The following VPS13C variants were observed in gnomAD, a reference collection of about 807,000 sequenced individuals.
VPS13C encodes vacuolar protein sorting 13 homolog C.
Under a neutral mutation model 456.8 loss-of-function variants are expected in VPS13C, and 358 were observed. The ratio of observed to expected loss-of-function variants is 0.78; its 90% CI spans 0.72 to 0.86. The LOEUF (loss-of-function observed/expected upper bound fraction) is 0.86. Ranked by LOEUF, VPS13C falls within the 40% of genes least tolerant of loss-of-function variation. The pLI is 0.00. For missense variants in VPS13C, 4,818 were observed against 4,385.4 expected, an observed-to-expected ratio of 1.10 and a Z score of -2.79; for synonymous variants, 1,578 against 1,486.7, an observed-to-expected ratio of 1.06 and a Z score of -1.41.
Position 61,881,732 on chromosome 15 carries a change from CTTATT to C in VPS13C, c.9706+10_9706+14del, listed in dbSNP as rs2098073576. 6.2e-7 allele frequency: 1 copy of C among 1,607,406 alleles called. No homozygotes were observed. The highest frequency in any genetic ancestry group is 8.5e-7 in the Non-Finnish European group (1 of 1,177,986). On this transcript the variant is annotated intron_variant, in intron 70 of 84. Coordinates refer to ENST00000644861, the MANE Select transcript of VPS13C (RefSeq NM_020821.3). ...TAAATAAGGTATATCTATGTCACAACTTATTTTATTTTACCTGAATCTAAAGCAAT... is the reference window on the plus strand; with the variant it reads ...TAAATAAGGTATATCTATGTCACAACTTATTTTACCTGAATCTAAAGCAAT...
intron 81 of VPS13C, chr15:61,864,618 C>A (rs1044130547): frequency 3.5e-5 from 34 of 984,722 alleles, no homozygotes; most frequent in Non-Finnish European, 3.7e-5. Flanking sequence ...CTTAAATATA[C>A]ATTTTTTAAA....
intron 42 of VPS13C, 133 bp from the exon 43 acceptor site, chr15:61,947,442 T>G (rs2044644822): frequency 3.5e-6 from 2 of 566,090 alleles, no homozygotes; most frequent in Non-Finnish European, 6.2e-6. Flanking sequence ...TAAGATAACA[T>G]GTAATTAACA....
intron 66 of VPS13C, among the ~76,000 whole-genome samples, chr15:61,904,064 C>T (rs12439330): frequency 0.54 from 81,480 of 151,880 alleles, 22,171 homozygotes; most frequent in Admixed American, 0.62. Flanking sequence ...CTTTAGGACA[C>T]TGGTCTAGGC....
intron 45 of VPS13C, among the ~76,000 whole-genome samples, 155 bp from the exon 46 acceptor site, chr15:61,942,222 C>T (rs186054452): frequency 6.6e-6 from 1 of 151,788 alleles, no homozygotes; most frequent in African/African-American, 2.4e-5. Context: ...TAGAAACATA[C>T]ACTCTGAGCT....
rs763596750 is a variant in VPS13C at position 61,962,537 on chromosome 15, G to C, written c.3437C>G (p.Ala1146Gly). 1.2e-6 allele frequency: 2 copies of C among 1,606,554 alleles called. No individual in the cohort carries two copies. The highest frequency in any genetic ancestry group is 1.7e-4 in the Middle Eastern group (1 of 6,036). ...DVDPKTVHKK[A>G]VSIMGNEVFR... ...AACTTCATTTCCCATTATTGACACA[G>C]CCTGAAAAACAGAGACTTGAATGTA... is the stretch of plus-strand genomic sequence containing the variant. Residue 1146 changes from alanine to glycine, a missense_variant and splice_region_variant, in exon 34 of 85, where the codon GCT (alanine) becomes GGT (glycine). Ala to Gly is a moderately conservative substitution (Grantham distance 60). Around this residue, in one of 3 missense-constraint regions of VPS13C, gnomAD observed 4,552 missense variants for 4,130.6 expected, o/e 1.10. Coordinates refer to ENST00000644861, the MANE Select transcript of VPS13C (RefSeq NM_020821.3).
At chr15:61,908,872 C>G in intron 65 of VPS13C, 120 bp downstream of exon 65, 1 of 1,171,562 alleles carries the variant, frequency 8.5e-7, no homozygotes. Flanking sequence ...AAGATAAATA[C>G]CATGTGTTCC....
rs373996114 is a variant in VPS13C at position 61,939,919 on chromosome 15, A to G, written c.5601+728T>C. Among the ~76,000 whole-genome samples, 609 of 151,736 alleles carry G rather than the reference A, an allele frequency of 4.0e-3. 3 individuals carry two copies. Among genetic ancestry groups the G allele is most frequent in the African/African-American group, 0.014 (568 of 41,352 alleles). ...TGAGGCAGGAGAATCGCTTGAACCCAGCTAGTGGAGGTCACAGTGAGCCTA... is the reference window on the plus strand; with the variant it reads ...TGAGGCAGGAGAATCGCTTGAACCCGGCTAGTGGAGGTCACAGTGAGCCTA... On this transcript the variant is annotated intron_variant, in intron 47 of 84. Coordinates refer to ENST00000644861, the MANE Select transcript of VPS13C (RefSeq NM_020821.3).
chr15:62,053,680 A>G (rs746161479), intron 1 of VPS13C, among the ~76,000 whole-genome samples: 8 of 152,220 alleles, frequency 5.3e-5, no homozygotes, highest in Non-Finnish European at 1.0e-4. Flanking sequence ...TGTCAGAGAC[A>G]TGCCAAAAGC....
At position 61,918,717 on chromosome 15, in the gene VPS13C, C is replaced by A. The variant is rs78210736; in HGVS notation, c.7639-460G>T. On this transcript the variant is annotated intron_variant, in intron 58 of 84. Transcript: ENST00000644861. ...AGATAACAATGTCCAAAATTTGAAA[C>A]CTTTTCATTTGTATCTGATGTTACA... Among the ~76,000 whole-genome samples, 496 of 152,096 alleles carry A rather than the reference C, an allele frequency of 3.3e-3. 3 individuals carry two copies. Among genetic ancestry groups the A allele is most frequent in the African/African-American group, 0.011 (474 of 41,536 alleles).
chr15:61,980,139 G>A (rs560598149), intron 22 of VPS13C, among the ~76,000 whole-genome samples: 3 of 124,168 alleles, frequency 2.4e-5, no homozygotes, highest in Non-Finnish European at 4.7e-5. Context: ...AGCAGAGACT[G>A]CACCACTGCA....
intron 60 of VPS13C, 84 bp downstream of exon 60, chr15:61,917,257 T>C (rs1401887477): frequency 4.3e-6 from 6 of 1,400,234 alleles, no homozygotes; most frequent in African/African-American, 1.5e-5. Flanking sequence ...TATAAAACAC[T>C]GACCTCACTT....
chr15:61,897,923 C>A (rs984240448), intron 66 of VPS13C, among the ~76,000 whole-genome samples: 2 of 152,070 alleles, frequency 1.3e-5, no homozygotes, highest in African/African-American at 4.8e-5. Flanking sequence ...ACCATACAAG[C>A]CAGAAGAGAG....
chr15:61,975,653 A>C (rs2045680638), intron 24 of VPS13C, among the ~76,000 whole-genome samples: 1 of 152,040 alleles, frequency 6.6e-6, no homozygotes, highest in Non-Finnish European at 1.5e-5. Context: ...TCAAAATGAA[A>C]ACTCCAGGAC....
At chr15:62,013,898 G>A (rs751282087) in intron 10 of VPS13C, 35 bp downstream of exon 10, 1 of 1,492,134 alleles carries the variant, frequency 6.7e-7, no homozygotes, top group Non-Finnish European at 9.3e-7. Context: ...AGTGCACCTA[G>A]GAAACTAACA....
At chr15:61,900,888 C>T (rs920810055) in intron 66 of VPS13C, among the ~76,000 whole-genome samples, 10 of 151,398 alleles carry the variant, frequency 6.6e-5, no homozygotes, top group Admixed American at 2.0e-4. Context: ...ACCAAAACAG[C>T]ATGGTACTGG....
chr15:61,961,981 C>T, intron 34 of VPS13C, 88 bp from the exon 35 acceptor site: 1 of 1,388,468 alleles, frequency 7.2e-7, no homozygotes, highest in Non-Finnish European at 9.6e-7. Flanking sequence ...CATGTGGTAA[C>T]TTTTTTTTTC....
intron 1 of VPS13C, among the ~76,000 whole-genome samples, chr15:62,059,825 G>A (rs936354449): frequency 1.3e-5 from 2 of 152,206 alleles, no homozygotes; most frequent in Admixed American, 6.5e-5. Context: ...AAATGATAGT[G>A]AAGATAACTG....
intron 1 of VPS13C, among the ~76,000 whole-genome samples, chr15:62,052,957 G>A (rs1428179858): frequency 6.6e-6 from 1 of 152,128 alleles, no homozygotes; most frequent in Non-Finnish European, 1.5e-5. Flanking sequence ...ATAATATTGA[G>A]TAATGTGGTA....
chr15:61,959,348 C>T (rs2045115000), intron 36 of VPS13C, 100 bp downstream of exon 36: 2 of 1,053,190 alleles, frequency 1.9e-6, no homozygotes, highest in South Asian at 4.4e-5. Context: ...TTCTCTTATA[C>T]TATTCAGCAA....
Sources: allele counts gnomAD v4.1 joint callset (sites outside exome capture counted in the v4.1 genomes callset), GRCh38; gene constraint gnomAD v4.1.1; regional missense constraint gnomAD v4.1.1; transcripts MANE v1.5; gene names NCBI Gene and HGNC (gene_info 2026-07-23, HGNC 2026-07-21).